Variants in MKRN1 observed in about 807,000 individuals in gnomAD.
The protein encoded by MKRN1 is makorin ring finger protein 1.
In MKRN1, 9 loss-of-function variants were observed where a neutral mutation model predicts 55.5. The observed-to-expected ratio is 0.16, with a 90% CI of 0.10 to 0.28. The LOEUF (loss-of-function observed/expected upper bound fraction) is 0.28, where lower values mean the gene tolerates loss of function less well. Among genes scored for constraint, MKRN1 ranks in the 10% least tolerant of loss-of-function variants. The pLI is 1.00. For synonymous variants in MKRN1, 253 were observed against 235.9 expected, an observed-to-expected ratio of 1.07 and a Z score of -0.66; for missense variants, 488 against 626.7, an observed-to-expected ratio of 0.78 and a Z score of 2.36.
In MKRN1 at chr7:140,479,466, C is replaced by T; in HGVS notation, c.-122G>A. On this transcript the variant is annotated 5_prime_UTR_variant, in exon 1 of 8. Transcript: ENST00000255977. Reference sequence around the variant, plus strand: ...GGGGAAGGACACTGAGGCACCCGTTCGGTCCCCGCCTGCTACGCGTCGCGT... The same window carrying T: ...GGGGAAGGACACTGAGGCACCCGTTTGGTCCCCGCCTGCTACGCGTCGCGT... The T allele has an allele frequency of 2.0e-6, 2 of 1,017,710 alleles. No homozygotes were observed. Among genetic ancestry groups the T allele is most frequent in the South Asian group, 4.6e-5 (1 of 21,876 alleles). 63.0% of individuals were successfully genotyped at this position (1,017,710 alleles called of 1,614,324 possible).
intron 2 of MKRN1, among the ~76,000 whole-genome samples, chr7:140,463,095 C>G (rs180904549): frequency 6.6e-6 from 1 of 152,158 alleles, no homozygotes. Context: ...CCACCATCTC[C>G]AAAGACATTC....
chr7:140,457,256 C>T (rs1460954632), intron 4 of MKRN1, among the ~76,000 whole-genome samples: 2 of 152,074 alleles, frequency 1.3e-5, no homozygotes, highest in Non-Finnish European at 1.5e-5. Context: ...GTGACAGGCA[C>T]GTAAACTCTC....
At chr7:140,474,064 A>AGAAAGAAT (rs1563097061) in intron 1 of MKRN1, among the ~76,000 whole-genome samples, 3 of 145,074 alleles carry the variant, frequency 2.1e-5, no homozygotes, top group Non-Finnish European at 4.5e-5. Context: ...AAAGAAAGAA[A>AGAAAGAAT]GAATAAAAGA....
chr7:140,462,807 T>C (rs1367587525), intron 2 of MKRN1, among the ~76,000 whole-genome samples: 2 of 151,592 alleles, frequency 1.3e-5, no homozygotes, highest in Admixed American at 6.6e-5. Context: ...TACTAAAAAA[T>C]ACAAAAAAAT....
At chr7:140,456,606 T>C (rs757063200) in intron 5 of MKRN1, 46 bp downstream of exon 5, 6 of 1,599,834 alleles carry the variant, frequency 3.8e-6, no homozygotes, top group Admixed American at 3.4e-5. Context: ...TACTAAATTC[T>C]TCCCCAAAAG....
At chr7:140,464,436 G>A (rs1196873211) in intron 2 of MKRN1, among the ~76,000 whole-genome samples, 1 of 151,780 alleles carries the variant, frequency 6.6e-6, no homozygotes, top group African/African-American at 2.4e-5. Flanking sequence ...AGGCACGGTG[G>A]CTCACACCTG....
chr7:140,478,804 A>C (rs1021648595), intron 1 of MKRN1: 224 of 168,796 alleles, frequency 1.3e-3, no homozygotes, highest in Non-Finnish European at 1.9e-3. Context: ...CGGCGGGGGC[A>C]TCCTTCCAGC....
At chr7:140,461,026 T>C (rs1794602699) in intron 2 of MKRN1, among the ~76,000 whole-genome samples, 1 of 152,250 alleles carries the variant, frequency 6.6e-6, no homozygotes, top group Non-Finnish European at 1.5e-5. Flanking sequence ...TTTCAGATAG[T>C]TGACAGTCTA....
At chr7:140,466,696 C>A (rs961684626) in intron 2 of MKRN1, among the ~76,000 whole-genome samples, 2 of 149,424 alleles carry the variant, frequency 1.3e-5, no homozygotes, top group Non-Finnish European at 3.0e-5. Context: ...CCCAGCTACT[C>A]GGGAGGCTGA....
chr7:140,464,659 C>T (rs777780424), intron 2 of MKRN1, among the ~76,000 whole-genome samples: 2 of 151,726 alleles, frequency 1.3e-5, no homozygotes, highest in African/African-American at 2.4e-5. Flanking sequence ...GAGCCAAGAT[C>T]GTGCCATTGC....
intron 2 of MKRN1, among the ~76,000 whole-genome samples, chr7:140,467,279 CT>C (rs2130312819): frequency 6.6e-6 from 1 of 151,896 alleles, no homozygotes; most frequent in South Asian, 2.1e-4. Context: ...CAGCCGCCCC[CT>C]CCCCCACTTT....
intron 1 of MKRN1, among the ~76,000 whole-genome samples, chr7:140,476,349 G>A (rs1795115628): frequency 1.3e-5 from 2 of 151,478 alleles, no homozygotes; most frequent in African/African-American, 2.4e-5. Context: ...GTGGCCGGGC[G>A]TAATCCCACC....
chr7:140,459,654 G>C, intron 3 of MKRN1, 53 bp downstream of exon 3: 2 of 1,534,802 alleles, frequency 1.3e-6, no homozygotes. Context: ...TAAGCAAATG[G>C]ATGAACTGCT....
At chr7:140,477,640 T>C (rs1795165183) in intron 1 of MKRN1, among the ~76,000 whole-genome samples, 1 of 151,886 alleles carries the variant, frequency 6.6e-6, no homozygotes, top group African/African-American at 2.4e-5. Flanking sequence ...GTATTCTTAG[T>C]AGAGACAGGG....
intron 3 of MKRN1, 41 bp from the exon 4 acceptor site, chr7:140,459,274 A>T (rs367973327): frequency 4.4e-5 from 70 of 1,588,766 alleles, no homozygotes; most frequent in Non-Finnish European, 6.0e-5. Context: ...CAAATAGATA[A>T]GGCATGAACT....
chr7:140,461,390 C>CCCAA (rs1387112350), intron 2 of MKRN1, among the ~76,000 whole-genome samples: 2 of 152,286 alleles, frequency 1.3e-5, no homozygotes, highest in Non-Finnish European at 2.9e-5. Flanking sequence ...CACCTGTCAT[C>CCCAA]CCAACACTTT....
At chr7:140,455,977 C>T (rs1316731071) in intron 5 of MKRN1, 77 bp from the exon 6 acceptor site, 14 of 1,314,468 alleles carry the variant, frequency 1.1e-5, no homozygotes, top group Admixed American at 5.3e-5. Flanking sequence ...CCTGGTGTGT[C>T]GCCTCCAGAC....
At chr7:140,458,757 G>GCGAT (rs1490851352) in intron 4 of MKRN1, among the ~76,000 whole-genome samples, 2 of 152,158 alleles carry the variant, frequency 1.3e-5, no homozygotes, top group Non-Finnish European at 2.9e-5. Flanking sequence ...CTGGGCTTGA[G>GCGAT]CGATCCTCTT....
At chr7:140,462,823 G>A (rs111797775) in intron 2 of MKRN1, among the ~76,000 whole-genome samples, 2,137 of 152,056 alleles carry the variant, frequency 0.014, 50 homozygotes, top group African/African-American at 0.049. Flanking sequence ...AAAATTAGCC[G>A]GGTGTGGTGG....
Sources: allele counts gnomAD v4.1 joint callset (sites outside exome capture counted in the v4.1 genomes callset), GRCh38; gene constraint gnomAD v4.1.1; transcripts MANE v1.5; gene names NCBI Gene and HGNC (gene_info 2026-07-23, HGNC 2026-07-21).